Variants in RGS3 observed in about 807,000 individuals in gnomAD.
RGS3 encodes regulator of G protein signaling 3.
A neutral mutation model predicts 132.6 loss-of-function variants in RGS3; 80 were observed. The observed-to-expected ratio is 0.60, with a 90% CI of 0.50 to 0.73. RGS3 has a LOEUF of 0.73. RGS3 is among the 30% of genes least tolerant of loss of function. The pLI, the probability that RGS3 is intolerant of heterozygous loss-of-function variation, is 0.00. For synonymous variants in RGS3, 598 were observed against 620.6 expected (o/e 0.96, Z 0.54); for missense variants, 1,382 against 1,530.8 (o/e 0.90, Z 1.62).
chr9:113,497,311 C>A lies in RGS3; in HGVS notation c.751-3C>A. ...GAGCGTGCCATTCCTTCTCTCGTGA[C>A]AGGAGATCAGTGGTTGGTACTACCT... is the stretch of plus-strand genomic sequence containing the variant. On this transcript the variant is annotated splice_polypyrimidine_tract_variant and splice_region_variant and intron_variant, in intron 8 of 24. Transcript: ENST00000350696. 1 of 1,610,722 alleles carries A rather than the reference C, an allele frequency of 6.2e-7. No individual in the cohort carries two copies. The highest frequency in any genetic ancestry group is 8.5e-7 in the Non-Finnish European group (1 of 1,177,316).
intron 19 of RGS3, among the ~76,000 whole-genome samples, chr9:113,549,576 A>G (rs1295958060): frequency 6.6e-6 from 1 of 152,214 alleles, no homozygotes; most frequent in African/African-American, 2.4e-5. Flanking sequence ...GTTCATCCTT[A>G]ATCCCAGCAC....
chr9:113,536,895 G>A, exon 19 of RGS3: 2 of 1,614,122 alleles, frequency 1.2e-6, no homozygotes, highest in Non-Finnish European at 1.7e-6. Context: ...GCAACAGCTG[G>A]CAGCATCACC....
At chr9:113,528,322 T>C (rs764251015) in intron 17 of RGS3, among the ~76,000 whole-genome samples, 1 of 152,144 alleles carries the variant, frequency 6.6e-6, no homozygotes, top group Non-Finnish European at 1.5e-5. Context: ...TGCCAGGCCC[T>C]GAGGAGTGGC....
upstream of RGS3, among the ~76,000 whole-genome samples, chr9:113,457,489 A>G (rs1018752972): frequency 2.0e-5 from 3 of 152,180 alleles, no homozygotes; most frequent in Admixed American, 2.0e-4. Context: ...GCCCAGTTAT[A>G]AGGCTCAGCT....
chr9:113,591,317 T>A lies in RGS3; in HGVS notation c.3016-16T>A, dbSNP rs776576821. ...CTGGGTGCCCAGACTGCATCGTGTC[T>A]GTCTTCTCTCCGCAGATGAGCGGGG... On this transcript the variant is annotated splice_polypyrimidine_tract_variant and intron_variant, in intron 20 of 24. Transcript: ENST00000350696. This position sits in a 1 kb window ranked among gnomAD's most constrained non-coding sequence, Gnocchi z 4.4. 130 of 1,612,514 alleles carry A rather than the reference T, an allele frequency of 8.1e-5. 2 individuals carry two copies. The Middle Eastern group carries it at 5.6e-3, about 70-fold the overall frequency.
intron 19 of RGS3, among the ~76,000 whole-genome samples, chr9:113,568,174 T>G (rs997438498): frequency 6.6e-6 from 1 of 152,240 alleles, no homozygotes; most frequent in Non-Finnish European, 1.5e-5. Context: ...GGACAAGAAC[T>G]CAGGTTCCCC....
At chr9:113,580,858 T>A (rs974057655) in intron 19 of RGS3, 2 of 985,628 alleles carry the variant, frequency 2.0e-6, no homozygotes, top group Non-Finnish European at 2.4e-6. Flanking sequence ...CAGTCACCAC[T>A]GGGACAGGCC....
At chr9:113,474,080 G>C (rs1455155460) in intron 3 of RGS3, among the ~76,000 whole-genome samples, 2 of 147,792 alleles carry the variant, frequency 1.4e-5, no homozygotes, top group Non-Finnish European at 1.5e-5. Context: ...ATTATCAAGA[G>C]ACTGAATGCT....
intron 15 of RGS3, among the ~76,000 whole-genome samples, chr9:113,516,521 C>T (rs1330828649): frequency 3.9e-5 from 6 of 151,900 alleles, no homozygotes; most frequent in Non-Finnish European, 7.4e-5. Context: ...CCATGCCTGG[C>T]TAGTTTTTTG....
rs773648816 is a variant in RGS3, at chr9:113,507,270, G to C, written c.1086-17G>C. On this transcript the variant is annotated splice_polypyrimidine_tract_variant and intron_variant, in intron 12 of 24. Coordinates refer to ENST00000350696, the Ensembl canonical transcript of RGS3. The surrounding 1 kb of genome is among the most constrained non-coding windows in gnomAD (Gnocchi z 5.0). ...TTCCCCAGGCTCAACCTGTCTGTGT[G>C]ATCCCCCACCTTCCAGGAGCTGCCC... The C allele has an allele frequency of 1.3e-6, 2 of 1,586,972 alleles. No homozygotes were observed. The highest frequency in any genetic ancestry group is 1.7e-6 in the Non-Finnish European group (2 of 1,164,712).
At chr9:113,479,654 C>T in intron 4 of RGS3, 113 bp downstream of exon 2, 4 of 942,918 alleles carry the variant, frequency 4.2e-6, no homozygotes, top group Non-Finnish European at 1.7e-6. Context: ...TTTTCTCATC[C>T]TTGTATAAAG....
At chr9:113,553,269 C>A (rs1170933766) in intron 19 of RGS3, among the ~76,000 whole-genome samples, 1 of 148,362 alleles carries the variant, frequency 6.7e-6, no homozygotes, top group South Asian at 2.1e-4. Flanking sequence ...TAGTGAGACC[C>A]CATCGCTACA....
intron 14 of RGS3, among the ~76,000 whole-genome samples, chr9:113,509,994 A>G (rs1009128892): frequency 6.6e-6 from 1 of 152,150 alleles, no homozygotes; most frequent in Non-Finnish European, 1.5e-5. Context: ...TTGGTTACGT[A>G]AGATTTTTAG....
upstream of RGS3, among the ~76,000 whole-genome samples, chr9:113,460,087 A>C (rs1009809629): frequency 6.6e-6 from 1 of 151,138 alleles, no homozygotes; most frequent in Non-Finnish European, 1.5e-5. Context: ...TCTCTTCCCT[A>C]AACTTGCTTA....
intron 10 of RGS3, among the ~76,000 whole-genome samples, chr9:113,498,921 G>GAAAAA (rs755573432): frequency 4.2e-5 from 2 of 47,366 alleles, no homozygotes; most frequent in Non-Finnish European, 4.3e-5. Context: ...TGTCTCAATT[G>GAAAAA]AAAAAAAAAA....
chr9:113,533,125 C>G (rs1588211524), intron 18 of RGS3, among the ~76,000 whole-genome samples: 1 of 152,190 alleles, frequency 6.6e-6, no homozygotes. Flanking sequence ...CTTAGCTGCT[C>G]TGAACCTTGG....
intron 19 of RGS3, 166 bp from the exon 18 acceptor site, chr9:113,583,283 AC>A (rs1834913918): frequency 8.1e-7 from 1 of 1,231,418 alleles, no homozygotes. Flanking sequence ...GAGAATTGTT[AC>A]CCAGCTAAGT....
chr9:113,483,132 C>G lies in RGS3; in HGVS notation c.525+15C>G. ...CGTATGTGAAGGTATGTGGTGGGGC[C>G]GGAGATGGAGAGTGGGATATTGAGG... On this transcript the variant is annotated intron_variant, in intron 5 of 24. Transcript: ENST00000350696. 1.3e-6 allele frequency: 2 copies of G among 1,572,312 alleles called. No individual in the cohort carries two copies. Among genetic ancestry groups the G allele is most frequent in the Admixed American group, 3.3e-5 (2 of 59,746 alleles).
At chr9:113,541,750 G>A (rs978995794) in intron 19 of RGS3, 4 of 1,031,664 alleles carry the variant, frequency 3.9e-6, no homozygotes, top group African/African-American at 3.4e-5. Context: ...ACCTGCCTTG[G>A]GGGCAGCAGG....
Sources: gnomAD v4.1 joint callset for allele counts (sites outside exome capture counted in the v4.1 genomes callset) on GRCh38, gnomAD v4.1.1 for gene constraint, Gnocchi (gnomAD v3.1) non-coding constraint, MANE v1.5 for transcripts, NCBI Gene and HGNC (gene_info 2026-07-23, HGNC 2026-07-21) for gene names.